The following STK3 variants were observed in gnomAD, a reference collection of about 807,000 sequenced individuals.
The protein encoded by STK3 is serine/threonine-protein kinase 3.
Under a neutral mutation model 58.0 loss-of-function variants are expected in STK3, and 41 were observed. The ratio of observed to expected loss-of-function variants is 0.71; its 90% confidence interval spans 0.55 to 0.92. STK3 has a LOEUF of 0.92. Among genes scored for constraint, STK3 ranks in the 40% least tolerant of loss-of-function variants. The probability of loss-of-function intolerance (pLI) is 0.00; values close to 1 mark genes in which losing one functional copy is unlikely to be tolerated. For synonymous variants in STK3, 170 were observed against 191.0 expected, an observed-to-expected ratio of 0.89 and a Z score of 0.91; for missense variants, 479 against 602.7, an observed-to-expected ratio of 0.79 and a Z score of 2.15.
intron 6 of STK3, among the ~76,000 whole-genome samples, chr8:98,620,744 C>A (rs1818224652): frequency 6.6e-6 from 1 of 151,678 alleles, no homozygotes; most frequent in Non-Finnish European, 1.5e-5. Context: ...ATGTAACAAA[C>A]AGCTATTTTA....
intron 10 of STK3, among the ~76,000 whole-genome samples, chr8:98,466,574 C>T (rs917960105): frequency 6.6e-6 from 1 of 152,172 alleles, no homozygotes; most frequent in African/African-American, 2.4e-5. Flanking sequence ...CCGTCTCTTT[C>T]TAAGGTCTGG....
At chr8:98,569,053 T>A (rs1267625861) in intron 8 of STK3, among the ~76,000 whole-genome samples, 1 of 152,140 alleles carries the variant, frequency 6.6e-6, no homozygotes, top group African/African-American at 2.4e-5. Flanking sequence ...ACTCCCACAT[T>A]CAAACATTCA....
chr8:98,910,703 G>A (rs1031651284), intron 1 of STK3, among the ~76,000 whole-genome samples: 1 of 152,202 alleles, frequency 6.6e-6, no homozygotes, highest in Non-Finnish European at 1.5e-5. Flanking sequence ...TGGGTTGTGG[G>A]AGATTGCAGT....
At chr8:98,363,915 A>G in the STK3 span, among the ~76,000 whole-genome samples, 1 of 152,208 alleles carries the variant, frequency 6.6e-6, no homozygotes, top group Non-Finnish European at 1.5e-5. Context: ...CAGACACTCA[A>G]GAGTGCCAGG....
chr8:98,374,819 T>C (rs1191074530), intron 2 of STK3, among the ~76,000 whole-genome samples: 1 of 152,156 alleles, frequency 6.6e-6, no homozygotes, highest in Non-Finnish European at 1.5e-5. Context: ...TTTCCTTGTA[T>C]ATACATAAAG....
chr8:98,498,467 T>C (rs1431674833), intron 10 of STK3, among the ~76,000 whole-genome samples: 7 of 152,158 alleles, frequency 4.6e-5, no homozygotes, highest in African/African-American at 1.4e-4. Flanking sequence ...AAGCAAAGCA[T>C]GACATGGCCC....
chr8:98,394,837 A>T (rs1394028181), intron 3 of STK3, among the ~76,000 whole-genome samples: 1 of 152,218 alleles, frequency 6.6e-6, no homozygotes, highest in Admixed American at 6.5e-5. Context: ...GCAAGTGTGA[A>T]GATTACACAT....
intron 3 of STK3, among the ~76,000 whole-genome samples, chr8:98,750,430 G>A (rs1829897640): frequency 1.3e-5 from 2 of 149,164 alleles, no homozygotes; most frequent in South Asian, 2.1e-4. Context: ...GGGCACAAAT[G>A]TAAGATAAAT....
chr8:98,753,963 T>A (rs1830135785), intron 3 of STK3, among the ~76,000 whole-genome samples: 1 of 152,182 alleles, frequency 6.6e-6, no homozygotes, highest in Non-Finnish European at 1.5e-5. Flanking sequence ...AAGCTGATCA[T>A]ACTGCTCTCC....
At chr8:98,721,225 G>T in intron 4 of STK3, 2 of 595,124 alleles carry the variant, frequency 3.4e-6, no homozygotes, top group Non-Finnish European at 4.2e-6. Context: ...GAAAACCAAA[G>T]TAAGTTTCAA....
chr8:98,915,432 C>CTATATATATATATATATA lies in STK3; in HGVS notation c.-79+26928_-79+26945dup, dbSNP rs56187203. Reference sequence around the variant, plus strand: ...GTGAGTTAATACTTAATAAACTTTCCTATATATATATATATATATATATAT... The same window carrying CTATATATATATATATATA: ...GTGAGTTAATACTTAATAAACTTTCCTATATATATATATATATATATATATATATATATATATATATAT... On this transcript the variant is annotated intron_variant, in intron 1 of 1. Transcript: ENST00000519420. 1.6e-3 allele frequency among the ~76,000 whole-genome samples: 150 copies of CTATATATATATATATATA among 94,654 alleles called. 3 individuals are homozygous for CTATATATATATATATATA. Among genetic ancestry groups the CTATATATATATATATATA allele is most frequent in the Non-Finnish European group, 1.8e-3 (94 of 51,170 alleles). 62.1% of individuals were successfully genotyped at this position (94,654 alleles called of 152,430 possible). A position where few individuals can be genotyped will look rare whatever the true frequency, so the allele number is the denominator to read the frequency against.
At chr8:98,828,437 CAAAAAAAA>C (rs367737626), upstream of STK3, among the ~76,000 whole-genome samples, 8 of 48,590 alleles carry the variant, frequency 1.6e-4, no homozygotes, top group East Asian at 3.3e-3. Flanking sequence ...CCCATCTCTA[CAAAAAAAA>C]AAAAAAAAAA....
At chr8:98,528,970 A>C (rs1057065375) in intron 9 of STK3, among the ~76,000 whole-genome samples, 1 of 151,414 alleles carries the variant, frequency 6.6e-6, no homozygotes, top group East Asian at 1.9e-4. Flanking sequence ...CAGATTCATC[A>C]TCAACTTGTT....
At chr8:98,869,413 C>G (rs969354811) in intron 3 of STK3, among the ~76,000 whole-genome samples, 2 of 151,906 alleles carry the variant, frequency 1.3e-5, no homozygotes, top group Admixed American at 6.6e-5. Context: ...AGAGTGAGAC[C>G]CTGTCTCAAA....
At chr8:98,554,878 C>T (rs1043601880) in intron 8 of STK3, among the ~76,000 whole-genome samples, 1 of 151,914 alleles carries the variant, frequency 6.6e-6, no homozygotes, top group Non-Finnish European at 1.5e-5. Flanking sequence ...TATAATGAAA[C>T]ATTTATGTTT....
At chr8:98,737,296 G>A (rs1425863081) in intron 4 of STK3, among the ~76,000 whole-genome samples, 17 of 152,080 alleles carry the variant, frequency 1.1e-4, no homozygotes, top group Admixed American at 1.0e-3. Context: ...AGAGATGCAA[G>A]CAAATGAGTA....
At chr8:98,789,139 A>C (rs913357303) in intron 1 of STK3, among the ~76,000 whole-genome samples, 1 of 152,246 alleles carries the variant, frequency 6.6e-6, no homozygotes, top group Non-Finnish European at 1.5e-5. Context: ...CATGGAAATT[A>C]AATAACCTGC....
chr8:98,439,957 G>A (rs562364023), intron 1 of STK3, among the ~76,000 whole-genome samples: 7 of 152,308 alleles, frequency 4.6e-5, no homozygotes, highest in African/African-American at 1.7e-4. Context: ...GGCACAACAC[G>A]GCACCTCTCT....
chr8:98,644,459 CTT>C (rs1402753143), intron 6 of STK3, among the ~76,000 whole-genome samples: 2 of 152,074 alleles, frequency 1.3e-5, no homozygotes, highest in African/African-American at 4.8e-5. Context: ...ATTTCTAAGT[CTT>C]TAGAAAAGCT....
Sources: allele counts gnomAD v4.1 joint callset (sites outside exome capture counted in the v4.1 genomes callset), GRCh38; gene constraint gnomAD v4.1.1; transcripts MANE v1.5; gene names NCBI Gene and HGNC (gene_info 2026-07-23, HGNC 2026-07-21).